The following PKHD1 variants were observed in gnomAD, a reference collection of about 807,000 sequenced individuals.
PKHD1 encodes the protein PKHD1 ciliary IPT domain containing fibrocystin/polyductin.
PKHD1 carries 291 observed loss-of-function variants against 412.0 expected under a neutral mutation model. The ratio of observed to expected loss-of-function variants is 0.71; its 90% confidence interval spans 0.64 to 0.78. The LOEUF is 0.78. Ranked by LOEUF, PKHD1 falls within the 30% of genes least tolerant of loss-of-function variation. The pLI is 0.00. For missense variants in PKHD1, 4,825 were observed against 4,950.7 expected (o/e 0.97, Z 0.76); for synonymous variants, 1,777 against 1,821.5 (o/e 0.98, Z 0.62).
At chr6:51,840,172 C>T (rs1769922802) in intron 50 of PKHD1, among the ~76,000 whole-genome samples, 1 of 152,232 alleles carries the variant, frequency 6.6e-6, no homozygotes, top group African/African-American at 2.4e-5. Flanking sequence ...ACCTCTTTGG[C>T]TTAGCCACAG....
chr6:51,632,540 C>G, intron 65 of PKHD1, 25 bp downstream of exon 65: 1 of 1,595,288 alleles, frequency 6.3e-7, no homozygotes, highest in Non-Finnish European at 8.6e-7. Context: ...AATTTTCATT[C>G]CAAAATAAAA....
At chr6:51,712,971 C>A (rs192856304) in intron 60 of PKHD1, among the ~76,000 whole-genome samples, 1 of 152,106 alleles carries the variant, frequency 6.6e-6, no homozygotes, top group Admixed American at 6.5e-5. Context: ...CAGATATAGA[C>A]GGAAATCAGT....
intron 27 of PKHD1, among the ~76,000 whole-genome samples, chr6:52,038,399 G>A (rs1199698957): frequency 2.6e-5 from 4 of 151,882 alleles, no homozygotes; most frequent in Non-Finnish European, 4.4e-5. Flanking sequence ...AAGTTGGCAG[G>A]GGTGTGCAAG....
At chr6:51,890,015 A>AT (rs56948841) in intron 43 of PKHD1, among the ~76,000 whole-genome samples, 79 of 149,504 alleles carry the variant, frequency 5.3e-4, no homozygotes, top group African/African-American at 1.1e-3. Flanking sequence ...CCTTAGAAGT[A>AT]TTTTTTTTTT....
intron 27 of PKHD1, among the ~76,000 whole-genome samples, chr6:52,039,434 T>C (rs1304426762): frequency 6.6e-6 from 1 of 152,170 alleles, no homozygotes; most frequent in Non-Finnish European, 1.5e-5. Flanking sequence ...CCCTCTTTGC[T>C]CTCTCTCTCC....
At chr6:51,981,658 C>T (rs1350619513) in intron 35 of PKHD1, among the ~76,000 whole-genome samples, 1 of 139,942 alleles carries the variant, frequency 7.1e-6, no homozygotes, top group African/African-American at 2.5e-5. Flanking sequence ...GGCGTGATCT[C>T]GGCTCGCTAC....
chr6:51,852,900 C>T (rs1009419960), intron 49 of PKHD1, among the ~76,000 whole-genome samples: 8 of 152,054 alleles, frequency 5.3e-5, no homozygotes, highest in African/African-American at 7.2e-5. Context: ...GGGCATTTAG[C>T]CCATTTACAT....
intron 53 of PKHD1, among the ~76,000 whole-genome samples, chr6:51,778,260 T>C (rs1400853285): frequency 6.6e-6 from 1 of 152,132 alleles, no homozygotes; most frequent in Non-Finnish European, 1.5e-5. Flanking sequence ...CTCTAAACTA[T>C]ACTAAGAGGC....
chr6:51,741,103 C>A (rs1309520503), intron 60 of PKHD1: 1 of 518,698 alleles, frequency 1.9e-6, no homozygotes, highest in African/African-American at 1.9e-5. Flanking sequence ...TGGTAAAGAA[C>A]TGAGAAAAAG....
chr6:51,779,269 C>A (rs1390232853), intron 53 of PKHD1, among the ~76,000 whole-genome samples: 1 of 152,122 alleles, frequency 6.6e-6, no homozygotes, highest in Non-Finnish European at 1.5e-5. Flanking sequence ...AGTCCCCAAG[C>A]AACCATATAC....
intron 50 of PKHD1, among the ~76,000 whole-genome samples, chr6:51,843,067 A>T (rs1296931536): frequency 6.6e-6 from 1 of 152,186 alleles, no homozygotes; most frequent in Non-Finnish European, 1.5e-5. Flanking sequence ...CATGCTCATT[A>T]TCTCTGCCCC....
At chr6:51,661,938 TA>T (rs1231056125) in intron 60 of PKHD1, among the ~76,000 whole-genome samples, 1 of 152,132 alleles carries the variant, frequency 6.6e-6, no homozygotes, top group Non-Finnish European at 1.5e-5. Flanking sequence ...GATATAATTA[TA>T]AATCTATGCT....
At chr6:51,672,203 G>T (rs1775113814) in intron 60 of PKHD1, among the ~76,000 whole-genome samples, 1 of 152,064 alleles carries the variant, frequency 6.6e-6, no homozygotes, top group South Asian at 2.1e-4. Flanking sequence ...CGACATAGAT[G>T]TCTAGTAATA....
intron 60 of PKHD1, among the ~76,000 whole-genome samples, chr6:51,726,828 T>A (rs955123988): frequency 3.3e-5 from 5 of 152,168 alleles, no homozygotes; most frequent in Non-Finnish European, 5.9e-5. Context: ...TGCTGAATAA[T>A]AGCCTCCCTA....
intron 65 of PKHD1, among the ~76,000 whole-genome samples, chr6:51,628,952 C>T (rs979623064): frequency 6.6e-6 from 1 of 152,122 alleles, no homozygotes; most frequent in African/African-American, 2.4e-5. Flanking sequence ...CCAACAATAA[C>T]AAGCAATTGT....
At chr6:52,065,789 T>C (rs912805858) in intron 12 of PKHD1, among the ~76,000 whole-genome samples, 187 bp downstream of exon 12, 2 of 152,196 alleles carry the variant, frequency 1.3e-5, no homozygotes, top group African/African-American at 4.8e-5. Context: ...GGACATTCCA[T>C]TCCTGTGACC....
At chr6:51,988,954 A>G (rs541734874) in intron 35 of PKHD1, among the ~76,000 whole-genome samples, 3 of 152,370 alleles carry the variant, frequency 2.0e-5, no homozygotes, top group Admixed American at 2.0e-4. Flanking sequence ...TAGAAAATCA[A>G]CAACATAAGG....
chr6:51,910,057 C>A (rs1034760333), intron 39 of PKHD1, among the ~76,000 whole-genome samples: 24 of 152,068 alleles, frequency 1.6e-4, no homozygotes, highest in African/African-American at 5.8e-4. Context: ...GCAACCTGAG[C>A]CTAACACACA....
intron 43 of PKHD1, among the ~76,000 whole-genome samples, chr6:51,891,264 TG>T (rs1159169732): frequency 6.6e-6 from 1 of 152,054 alleles, no homozygotes; most frequent in Admixed American, 6.6e-5. Context: ...TTTGGGGTTT[TG>T]TTTTTTTGTT....
Sources: allele counts gnomAD v4.1 joint callset (sites outside exome capture counted in the v4.1 genomes callset), GRCh38; gene constraint gnomAD v4.1.1; transcripts MANE v1.5; gene names NCBI Gene and HGNC (gene_info 2026-07-23, HGNC 2026-07-21).